SPATS2: variants seen among roughly 807,000 people sequenced by gnomAD.
SPATS2 encodes the protein spermatogenesis associated serine rich 2.
In SPATS2, 38 loss-of-function variants were observed where a neutral mutation model predicts 63.7. The ratio of observed to expected loss-of-function variants is 0.60; its 90% CI spans 0.46 to 0.78. The LOEUF is 0.78. Ranked by LOEUF, SPATS2 falls within the 30% of genes least tolerant of loss-of-function variation. The probability of loss-of-function intolerance (pLI) is 0.00; values close to 1 mark genes in which losing one functional copy is unlikely to be tolerated. For synonymous variants in SPATS2, 207 were observed against 232.9 expected, an observed-to-expected ratio of 0.89 and a Z score of 1.01; for missense variants, 588 against 666.2, an observed-to-expected ratio of 0.88 and a Z score of 1.29.
intron 4 of SPATS2, among the ~76,000 whole-genome samples, chr12:49,488,066 C>T (rs1435503698): frequency 4.7e-5 from 7 of 150,048 alleles, no homozygotes; most frequent in Admixed American, 1.3e-4. Context: ...TTTTTTGAGA[C>T]GGAGTTTCGC....
chr12:49,503,365 AAG>A (rs1946599794), intron 9 of SPATS2, among the ~76,000 whole-genome samples: 1 of 146,860 alleles, frequency 6.8e-6, no homozygotes, highest in Non-Finnish European at 1.5e-5. Flanking sequence ...ACAAAGAAAA[AAG>A]AGCTGGGCGC....
intron 4 of SPATS2, chr12:49,486,367 G>GGCTA (rs1281627955): frequency 3.1e-6 from 1 of 321,460 alleles, no homozygotes; most frequent in Non-Finnish European, 6.2e-6. Flanking sequence ...CACCATGCCT[G>GGCTA]GCTAAGTTTT....
In SPATS2 at chr12:49,524,666, C is replaced by G; in HGVS notation, c.1112-16C>G. On this transcript the variant is annotated splice_polypyrimidine_tract_variant and intron_variant, in intron 12 of 13. Transcript: ENST00000552918. Reference sequence around the variant, plus strand: ...TTCTATCATATGATCATATATTCCTCATATTTCTGTTTCAGTGTCTCATCC... The same window carrying G: ...TTCTATCATATGATCATATATTCCTGATATTTCTGTTTCAGTGTCTCATCC... 3 of 1,612,880 alleles carry G rather than the reference C, an allele frequency of 1.9e-6. No individual in the cohort carries two copies. The highest frequency in any genetic ancestry group is 2.5e-6 in the Non-Finnish European group (3 of 1,178,940).
chr12:49,476,053 A>G (rs1946111970), intron 3 of SPATS2, among the ~76,000 whole-genome samples: 1 of 152,134 alleles, frequency 6.6e-6, no homozygotes, highest in Non-Finnish European at 1.5e-5. Flanking sequence ...AGGTGAGGAT[A>G]GGCATTTTTG....
intron 2 of SPATS2, among the ~76,000 whole-genome samples, chr12:49,440,757 G>A (rs1372856769): frequency 1.3e-5 from 2 of 152,156 alleles, no homozygotes; most frequent in South Asian, 2.1e-4. Flanking sequence ...ATGAGCCACT[G>A]TGCCTGGCCA....
Position 49,468,049 on chromosome 12 carries a change from CTTTCTTTTCT to C in SPATS2, c.25+7016_25+7025del, listed in dbSNP as rs1206174242. Among the ~76,000 whole-genome samples the C allele has an allele frequency of 6.6e-5, 10 of 151,852 alleles. No homozygotes were observed. The East Asian group carries it at 1.8e-3, about 27-fold the overall frequency. ...CACCTGACCTTCTTTTCTTCTTTTC[CTTTCTTTTCT>C]TTTTCTCTTTTCTTTTCTCTCTTCT... On this transcript the variant is annotated intron_variant, in intron 3 of 13. Coordinates refer to ENST00000552918, the MANE Select transcript of SPATS2 (RefSeq NM_023071.4).
intron 8 of SPATS2, 41 bp from the exon 9 acceptor site, chr12:49,500,029 A>AT: frequency 7.9e-7 from 1 of 1,267,452 alleles, no homozygotes; most frequent in Non-Finnish European, 1.0e-6. Flanking sequence ...CTATATAATT[A>AT]TTCTTTTTTT....
chr12:49,509,263 G>A (rs1016502328), intron 9 of SPATS2, among the ~76,000 whole-genome samples: 17 of 143,004 alleles, frequency 1.2e-4, no homozygotes, highest in African/African-American at 4.0e-4. Context: ...TTATGTTCAC[G>A]TTCTAACTTC....
intron 2 of SPATS2, among the ~76,000 whole-genome samples, chr12:49,437,084 C>T (rs576845093): frequency 0.017 from 2,552 of 151,904 alleles, 62 homozygotes; most frequent in African/African-American, 0.058. Context: ...GAGTGGCTGC[C>T]GGGCGGAGGG....
intron 6 of SPATS2, among the ~76,000 whole-genome samples, chr12:49,494,249 G>A (rs1342981460): frequency 2.6e-5 from 4 of 152,078 alleles, no homozygotes; most frequent in Non-Finnish European, 5.9e-5. Flanking sequence ...CAATTCTACA[G>A]TGTTAACATA....
Position 49,398,189 on chromosome 12 carries a change from C to CTGAA in SPATS2, c.-244+26913_-244+26916dup, listed in dbSNP as rs1048200288. ...AAGAAAAGAAAAATTTGATGGCTGACTGAATGAATGAATGAATAAGTAGTT... is the reference window on the plus strand; with the variant it reads ...AAGAAAAGAAAAATTTGATGGCTGACTGAATGAATGAATGAATGAATAAGTAGTT... On this transcript the variant is annotated intron_variant, in intron 2 of 13. Transcript: ENST00000552918. 9.1e-5 allele frequency among the ~76,000 whole-genome samples: 13 copies of CTGAA among 142,268 alleles called. No homozygotes were observed. The South Asian group carries it at 1.4e-3, about 15-fold the overall frequency. 93.3% of individuals were successfully genotyped at this position (142,268 alleles called of 152,430 possible). A position where few individuals can be genotyped will look rare whatever the true frequency, so the allele number is the denominator to read the frequency against.
chr12:49,501,418 A>G lies in SPATS2; in HGVS notation c.839+1213A>G, dbSNP rs371646847. Reference sequence around the variant, plus strand: ...ACTCTCTCAATAACAAAATTAATTCATTTGTGGGACTCTCCCCTCATGACC... The same window carrying G: ...ACTCTCTCAATAACAAAATTAATTCGTTTGTGGGACTCTCCCCTCATGACC... On this transcript the variant is annotated intron_variant, in intron 9 of 13. Transcript: ENST00000552918. Among the ~76,000 whole-genome samples, 70 of 152,192 alleles carry G rather than the reference A, an allele frequency of 4.6e-4. No individual in the cohort carries two copies. The South Asian group carries it at 0.012, about 26-fold the overall frequency.
At chr12:49,487,912 G>C (rs528346685) in intron 4 of SPATS2, among the ~76,000 whole-genome samples, 2 of 152,092 alleles carry the variant, frequency 1.3e-5, no homozygotes, top group African/African-American at 2.4e-5. Context: ...ATGTGTTATT[G>C]AGACTGGCAA....
chr12:49,483,384 T>C (rs1280924108), intron 3 of SPATS2, among the ~76,000 whole-genome samples: 3 of 152,066 alleles, frequency 2.0e-5, no homozygotes, highest in African/African-American at 7.2e-5. Flanking sequence ...GTGCTTTGGT[T>C]CTATAAGATC....
At chr12:49,420,329 C>T (rs1010637945) in intron 2 of SPATS2, among the ~76,000 whole-genome samples, 1 of 152,194 alleles carries the variant, frequency 6.6e-6, no homozygotes, top group Non-Finnish European at 1.5e-5. Flanking sequence ...TACAGTGGCT[C>T]ACGCCTGTAA....
At chr12:49,374,320 G>T (rs1944054930) in intron 2 of SPATS2, among the ~76,000 whole-genome samples, 1 of 151,960 alleles carries the variant, frequency 6.6e-6, no homozygotes, top group South Asian at 2.1e-4. Flanking sequence ...GTAGAGACAG[G>T]GTCTTGCTTT....
intron 6 of SPATS2, among the ~76,000 whole-genome samples, chr12:49,494,105 G>A (rs951860769): frequency 6.6e-6 from 1 of 152,152 alleles, no homozygotes; most frequent in Non-Finnish European, 1.5e-5. Context: ...ATTCCTAGAA[G>A]TAGGATTGCT....
At chr12:49,379,156 A>G (rs564669972) in intron 2 of SPATS2, among the ~76,000 whole-genome samples, 124 of 148,956 alleles carry the variant, frequency 8.3e-4, no homozygotes, top group African/African-American at 3.0e-3. Flanking sequence ...TCCTGACCTC[A>G]TGATCCACCC....
chr12:49,500,344 G>A (rs553797316), intron 9 of SPATS2, 139 bp downstream of exon 9: 151 of 975,460 alleles, frequency 1.5e-4, no homozygotes, highest in Non-Finnish European at 2.0e-4. Context: ...GGTATATTTA[G>A]CTTTCTGCTT....
Sources: gnomAD v4.1 joint callset for allele counts (sites outside exome capture counted in the v4.1 genomes callset) on GRCh38, gnomAD v4.1.1 for gene constraint, MANE v1.5 for transcripts, NCBI Gene and HGNC (gene_info 2026-07-23, HGNC 2026-07-21) for gene names.